The following KLF12 variants were observed in gnomAD, a reference collection of about 807,000 sequenced individuals.
KLF12 encodes KLF transcription factor 12.
In KLF12, 9 loss-of-function variants were observed where a neutral mutation model predicts 37.8. The observed-to-expected ratio is 0.24, with a 90% CI of 0.14 to 0.42. KLF12 has a LOEUF of 0.42. KLF12 is among the 10% of genes least tolerant of loss of function. The pLI, the probability that KLF12 is intolerant of heterozygous loss-of-function variation, is 1.00. For missense variants in KLF12, 411 were observed against 516.0 expected, an observed-to-expected ratio of 0.80 and a Z score of 1.97; for synonymous variants, 208 against 202.1, an observed-to-expected ratio of 1.03 and a Z score of -0.25.
At chr13:73,898,935 G>A (rs149962583) in intron 3 of KLF12, among the ~76,000 whole-genome samples, 1 of 152,286 alleles carries the variant, frequency 6.6e-6, no homozygotes, top group East Asian at 1.9e-4. Context: ...CACTGCAGAG[G>A]AAGCTGGCTT....
At chr13:73,893,860 C>G (rs1041176682) in intron 3 of KLF12, among the ~76,000 whole-genome samples, 7 of 152,090 alleles carry the variant, frequency 4.6e-5, no homozygotes, top group Admixed American at 6.6e-5. Context: ...AAAACGGAAA[C>G]AGGGAAGAAG....
chr13:74,134,833 C>T (rs929198276), upstream of KLF12, among the ~76,000 whole-genome samples: 2 of 151,866 alleles, frequency 1.3e-5, no homozygotes, highest in African/African-American at 4.8e-5. Context: ...GGGCCCCCAC[C>T]CCTCGCCGCA....
chr13:74,042,526 A>C (rs1324678339), intron 1 of KLF12, among the ~76,000 whole-genome samples: 3 of 152,180 alleles, frequency 2.0e-5, no homozygotes, highest in Non-Finnish European at 4.4e-5. Flanking sequence ...TCTTTTTAGA[A>C]GCAAAACCAG....
chr13:73,751,817 G>A (rs531364258), intron 6 of KLF12, among the ~76,000 whole-genome samples: 15 of 152,130 alleles, frequency 9.9e-5, no homozygotes, highest in South Asian at 4.2e-4. Flanking sequence ...AGAGCAGTCC[G>A]GGGCTGGACA....
intron 3 of KLF12, among the ~76,000 whole-genome samples, chr13:73,924,998 A>G (rs1244723643): frequency 8.0e-4 from 122 of 152,206 alleles, no homozygotes; most frequent in Non-Finnish European, 2.4e-4. Context: ...TGATAAGGCT[A>G]CTGAAGAAAA....
chr13:74,295,227 CTTCCT>C, the KLF12 span, among the ~76,000 whole-genome samples: 4 of 152,160 alleles, frequency 2.6e-5, no homozygotes, highest in Non-Finnish European at 5.9e-5. Context: ...ACTCCTCCCT[CTTCCT>C]TTCCTTTCCA....
the KLF12 span, among the ~76,000 whole-genome samples, chr13:74,242,824 G>T: frequency 2.0e-5 from 3 of 152,176 alleles, no homozygotes; most frequent in African/African-American, 7.2e-5. Context: ...ACATATTACA[G>T]CAAGGTGAGG....
At chr13:73,916,094 T>C (rs1307265504) in intron 3 of KLF12, among the ~76,000 whole-genome samples, 1 of 152,042 alleles carries the variant, frequency 6.6e-6, no homozygotes, top group Admixed American at 6.6e-5. Context: ...TTCTTATTGA[T>C]CTTGCATAGA....
chr13:74,171,066 G>C, the KLF12 span, among the ~76,000 whole-genome samples: 1 of 152,160 alleles, frequency 6.6e-6, no homozygotes, highest in Non-Finnish European at 1.5e-5. Flanking sequence ...TGCCCAGCCA[G>C]TACCTTGTTT....
intron 3 of KLF12, among the ~76,000 whole-genome samples, chr13:73,875,304 C>T (rs1207794305): frequency 6.6e-6 from 1 of 152,060 alleles, no homozygotes; most frequent in Non-Finnish European, 1.5e-5. Context: ...TTGACAGCTT[C>T]CTGCAAATTT....
At chr13:74,011,666 T>G (rs1280602107) in intron 1 of KLF12, among the ~76,000 whole-genome samples, 2 of 152,208 alleles carry the variant, frequency 1.3e-5, no homozygotes, top group African/African-American at 4.8e-5. Flanking sequence ...TGAAACAATG[T>G]GTGGGCATTG....
At chr13:73,698,676 T>C (rs547561635) in intron 7 of KLF12, among the ~76,000 whole-genome samples, 1 of 152,344 alleles carries the variant, frequency 6.6e-6, no homozygotes, top group Non-Finnish European at 1.5e-5. Context: ...CACAGCCACA[T>C]TTATTTATTT....
chr13:74,274,555 C>T, the KLF12 span, among the ~76,000 whole-genome samples: 1 of 151,972 alleles, frequency 6.6e-6, no homozygotes, highest in Non-Finnish European at 1.5e-5. Flanking sequence ...TAAGATTTTA[C>T]TTATTTATGT....
At chr13:74,074,145 CGAGAGA>C in intron 1 of KLF12, among the ~76,000 whole-genome samples, 1 of 151,400 alleles carries the variant, frequency 6.6e-6, no homozygotes, top group South Asian at 2.1e-4. Context: ...TTTTCTCATT[CGAGAGA>C]GAGAGAGAGT....
chr13:74,140,294 G>C, the KLF12 span, among the ~76,000 whole-genome samples: 2 of 152,138 alleles, frequency 1.3e-5, no homozygotes, highest in Non-Finnish European at 2.9e-5. Flanking sequence ...AAGCGGAAGT[G>C]ACAGGATTGC....
chr13:74,245,052 A>C, the KLF12 span, among the ~76,000 whole-genome samples: 1 of 152,242 alleles, frequency 6.6e-6, no homozygotes, highest in Non-Finnish European at 1.5e-5. Context: ...GAGGCATGAG[A>C]ATAGAAGAGG....
chr13:73,824,231 G>A lies in KLF12; in HGVS notation c.671-10944C>T, dbSNP rs559613981. ...CCACACTTCACAAGAGTTACTGTGCGGGCCACAGGCAGAGAACACAAAGTG... is the reference window on the plus strand; with the variant it reads ...CCACACTTCACAAGAGTTACTGTGCAGGCCACAGGCAGAGAACACAAAGTG... On this transcript the variant is annotated intron_variant, in intron 4 of 7. Coordinates refer to ENST00000377669, the MANE Select transcript of KLF12 (RefSeq NM_007249.5). Among the ~76,000 whole-genome samples the A allele has an allele frequency of 3.3e-5, 5 of 152,092 alleles. No individual in the cohort carries two copies. The East Asian group carries it at 7.7e-4, about 24-fold the overall frequency.
intron 5 of KLF12, among the ~76,000 whole-genome samples, chr13:73,791,953 A>G (rs761943439): frequency 6.6e-6 from 1 of 152,216 alleles, no homozygotes; most frequent in Non-Finnish European, 1.5e-5. Flanking sequence ...TAAACATGGC[A>G]AAACCACTGA....
At chr13:74,199,408 C>T in the KLF12 span, among the ~76,000 whole-genome samples, 3 of 152,164 alleles carry the variant, frequency 2.0e-5, no homozygotes, top group South Asian at 2.1e-4. Flanking sequence ...AAAGAAATTA[C>T]ATTTTTTTAA....
Sources: allele counts gnomAD v4.1 joint callset (sites outside exome capture counted in the v4.1 genomes callset), GRCh38; gene constraint gnomAD v4.1.1; transcripts MANE v1.5; gene names NCBI Gene and HGNC (gene_info 2026-07-23, HGNC 2026-07-21).